CMKLR2: variants seen among roughly 807,000 people sequenced by gnomAD.
CMKLR2 encodes chemerin chemokine-like receptor 2, also known as chemerin-like receptor 2.
CMKLR2 carries 18 observed loss-of-function variants against 23.0 expected under a neutral mutation model. The ratio of observed to expected loss-of-function variants is 0.78; its 90% CI spans 0.54 to 1.16. The LOEUF is 1.16. Among genes scored for constraint, CMKLR2 ranks in the 50% most tolerant of loss-of-function variants. The probability of loss-of-function intolerance (pLI) is 0.00; values close to 1 mark genes in which losing one functional copy is unlikely to be tolerated. For missense variants in CMKLR2, 401 were observed against 412.7 expected, an observed-to-expected ratio of 0.97 and a Z score of 0.25; for synonymous variants, 158 against 158.9, an observed-to-expected ratio of 0.99 and a Z score of 0.05.
chr2:206,199,600 T>G (rs1689027386), intron 1 of CMKLR2, among the ~76,000 whole-genome samples: 1 of 152,006 alleles, frequency 6.6e-6, no homozygotes, highest in Non-Finnish European at 1.5e-5. Flanking sequence ...GGCATTTTTT[T>G]TTTTTTCCCC....
At chr2:206,192,386 A>G (rs1288164281) in intron 1 of CMKLR2, among the ~76,000 whole-genome samples, 1 of 147,126 alleles carries the variant, frequency 6.8e-6, no homozygotes, top group Non-Finnish European at 1.5e-5. Context: ...ATATTTTATT[A>G]TTTTTTATTT....
At chr2:206,210,153 G>A (rs139401617) in intron 1 of CMKLR2, among the ~76,000 whole-genome samples, 2,165 of 151,398 alleles carry the variant, frequency 0.014, 60 homozygotes, top group African/African-American at 0.05. Flanking sequence ...TAGTAGAGAC[G>A]GGGTTTCACC....
intron 1 of CMKLR2, among the ~76,000 whole-genome samples, chr2:206,207,683 T>G (rs1200704402): frequency 7.3e-6 from 1 of 136,746 alleles, no homozygotes; most frequent in Non-Finnish European, 1.5e-5. Context: ...TTAGCAAAAG[T>G]GGTGAAGAAC....
chr2:206,196,669 T>C (rs941966751), intron 1 of CMKLR2, among the ~76,000 whole-genome samples: 3 of 152,194 alleles, frequency 2.0e-5, no homozygotes, highest in Non-Finnish European at 4.4e-5. Context: ...AGCAGCCAGT[T>C]TGTAAGAACA....
intron 1 of CMKLR2, among the ~76,000 whole-genome samples, chr2:206,181,585 A>G (rs985637418): frequency 2.6e-5 from 4 of 152,226 alleles, no homozygotes; most frequent in African/African-American, 9.6e-5. Flanking sequence ...CAATTAACAC[A>G]TATTTTGTAT....
chr2:206,187,980 C>T (rs754762373), intron 1 of CMKLR2, among the ~76,000 whole-genome samples: 22 of 152,074 alleles, frequency 1.4e-4, no homozygotes, highest in Non-Finnish European at 2.9e-4. Flanking sequence ...TCACTGCAAC[C>T]TCCACCTCCC....
intron 1 of CMKLR2, among the ~76,000 whole-genome samples, chr2:206,182,523 C>T (rs1424931319): frequency 6.6e-6 from 1 of 152,172 alleles, no homozygotes; most frequent in Non-Finnish European, 1.5e-5. Flanking sequence ...AAATGATTGG[C>T]TCCCATTCCA....
At chr2:206,192,823 C>T (rs757243392) in intron 1 of CMKLR2, among the ~76,000 whole-genome samples, 1 of 152,098 alleles carries the variant, frequency 6.6e-6, no homozygotes, top group Non-Finnish European at 1.5e-5. Context: ...GTTTCAGGAC[C>T]TCCCACACAT....
intron 1 of CMKLR2, among the ~76,000 whole-genome samples, chr2:206,202,203 C>T (rs986832170): frequency 1.8e-4 from 28 of 152,016 alleles, no homozygotes; most frequent in Admixed American, 1.8e-3. Flanking sequence ...ATGATGCAAC[C>T]TTAAAGTGAG....
intron 1 of CMKLR2, among the ~76,000 whole-genome samples, chr2:206,186,678 T>A (rs1467073497): frequency 2.0e-5 from 3 of 152,142 alleles, no homozygotes; most frequent in Non-Finnish European, 4.4e-5. Context: ...CAGCAATGGT[T>A]AGGGAGCTAT....
intron 1 of CMKLR2, among the ~76,000 whole-genome samples, chr2:206,202,460 T>TG (rs1472058283): frequency 6.6e-6 from 1 of 152,146 alleles, no homozygotes; most frequent in East Asian, 1.9e-4. Flanking sequence ...TTTGTGTGTG[T>TG]TTTTTCCCTT....
At chr2:206,202,014 A>G (rs546981049) in intron 1 of CMKLR2, among the ~76,000 whole-genome samples, 1 of 152,344 alleles carries the variant, frequency 6.6e-6, no homozygotes, top group Non-Finnish European at 1.5e-5. Flanking sequence ...GTAAGGCAGA[A>G]TTTCCTAAAG....
At chr2:206,196,289 G>A (rs1688918075) in intron 1 of CMKLR2, among the ~76,000 whole-genome samples, 2 of 151,730 alleles carry the variant, frequency 1.3e-5, no homozygotes, top group African/African-American at 2.4e-5. Flanking sequence ...CAGGAGAATC[G>A]CTGGAACCCT....
chr2:206,203,221 G>C (rs1304891288), intron 1 of CMKLR2, among the ~76,000 whole-genome samples: 1 of 150,716 alleles, frequency 6.6e-6, no homozygotes, highest in Non-Finnish European at 1.5e-5. Flanking sequence ...CCAGCTACTC[G>C]GGAGGCTGAG....
chr2:206,183,413 G>A (rs1001224705), intron 1 of CMKLR2, among the ~76,000 whole-genome samples: 3 of 152,142 alleles, frequency 2.0e-5, no homozygotes, highest in South Asian at 2.1e-4. Context: ...GTCTTCTTCC[G>A]CATTCTGTTG....
intron 1 of CMKLR2, among the ~76,000 whole-genome samples, chr2:206,184,388 C>T (rs1423422073): frequency 2.0e-5 from 3 of 151,694 alleles, no homozygotes; most frequent in Non-Finnish European, 4.4e-5. Flanking sequence ...CCTCCGTCTC[C>T]CGGTTTCAAG....
intron 1 of CMKLR2, among the ~76,000 whole-genome samples, chr2:206,182,083 A>G (rs879802543): frequency 1.2e-4 from 19 of 152,018 alleles, no homozygotes; most frequent in Non-Finnish European, 2.8e-4. Context: ...TGGAGGGGGA[A>G]GAAGATGGGT....
At chr2:206,207,728 CTTT>C (rs71034423) in intron 1 of CMKLR2, among the ~76,000 whole-genome samples, 9 of 43,572 alleles carry the variant, frequency 2.1e-4, no homozygotes, top group African/African-American at 6.1e-4. Context: ...ACCTCAGGGC[CTTT>C]TTTTTTTTTT....
chr2:206,190,217 T>C (rs1476496156), intron 1 of CMKLR2, among the ~76,000 whole-genome samples: 1 of 152,148 alleles, frequency 6.6e-6, no homozygotes, highest in Non-Finnish European at 1.5e-5. Flanking sequence ...TTTGGTGTAT[T>C]AGGAAGAATG....
Sources: allele counts gnomAD v4.1 joint callset (sites outside exome capture counted in the v4.1 genomes callset), GRCh38; gene constraint gnomAD v4.1.1; transcripts MANE v1.5; gene names NCBI Gene and HGNC (gene_info 2026-07-23, HGNC 2026-07-21).